Variants in MAML3 observed in about 807,000 individuals in gnomAD.
MAML3 encodes mastermind-like protein 3.
In MAML3, 27 loss-of-function variants were observed where a neutral mutation model predicts 101.9. The observed-to-expected ratio is 0.27, with a 90% CI of 0.20 to 0.37. MAML3 has a LOEUF of 0.37. Among genes scored for constraint, MAML3 ranks in the 10% least tolerant of loss-of-function variants. The probability of loss-of-function intolerance (pLI) is 1.00; values close to 1 mark genes in which losing one functional copy is unlikely to be tolerated. For missense variants in MAML3, 1,316 were observed against 1,444.9 expected, an observed-to-expected ratio of 0.91 and a Z score of 1.45; for synonymous variants, 501 against 555.9, an observed-to-expected ratio of 0.90 and a Z score of 1.39.
chr4:140,041,567 G>C (rs970333964), intron 1 of MAML3, among the ~76,000 whole-genome samples: 1 of 152,132 alleles, frequency 6.6e-6, no homozygotes, highest in African/African-American at 2.4e-5. Context: ...GTTGCAGTGA[G>C]CCGAGATCAC....
intron 1 of MAML3, among the ~76,000 whole-genome samples, chr4:140,021,092 A>G (rs942765595): frequency 6.6e-6 from 1 of 152,222 alleles, no homozygotes; most frequent in African/African-American, 2.4e-5. Flanking sequence ...CAATACGTGG[A>G]GAAAAGAAGA....
At chr4:139,728,034 G>T (rs1728548004) in intron 3 of MAML3, among the ~76,000 whole-genome samples, 1 of 152,122 alleles carries the variant, frequency 6.6e-6, no homozygotes, top group African/African-American at 2.4e-5. Context: ...TGGCCAACAT[G>T]GTGAAACCCC....
intron 1 of MAML3, among the ~76,000 whole-genome samples, chr4:140,040,229 C>A (rs969863240): frequency 6.6e-6 from 1 of 152,166 alleles, no homozygotes; most frequent in African/African-American, 2.4e-5. Context: ...CATTTCTATT[C>A]CATTGTAGTG....
In MAML3 at chr4:139,779,129, C is replaced by T. The variant is rs563007326; in HGVS notation, c.2080-48462G>A. On this transcript the variant is annotated intron_variant, in intron 2 of 4. Transcript: ENST00000509479. ...GCAAGGTTTCTGTAGGCCGTGCACA[C>T]ATACAATGGCTGACCATTGCCCCAG... 1.5e-4 allele frequency among the ~76,000 whole-genome samples: 23 copies of T among 152,320 alleles called. No individual in the cohort carries two copies. The South Asian group carries it at 1.7e-3, about 11-fold the overall frequency.
At position 139,791,502 on chromosome 4, in the gene MAML3, C is replaced by CAAAA. The variant is rs534133306; in HGVS notation, c.2080-60839_2080-60836dup. 5.0e-3 allele frequency among the ~76,000 whole-genome samples: 475 copies of CAAAA among 95,028 alleles called. 13 individuals are homozygous for CAAAA. The highest frequency in any genetic ancestry group is 0.028 in the South Asian group (66 of 2,392). The allele number at this position is 95,028 out of a possible 152,430, so 62.3% of individuals were successfully genotyped here. On this transcript the variant is annotated intron_variant, in intron 2 of 4. Coordinates refer to ENST00000509479, the MANE Select transcript of MAML3 (RefSeq NM_018717.5). Reference sequence around the variant, plus strand: ...CAGGAGACAGAGTGAGACTCCATCTCAAAAAAAAAAAAAAAAAAAGGCACC... The same window carrying CAAAA: ...CAGGAGACAGAGTGAGACTCCATCTCAAAAAAAAAAAAAAAAAAAAAAAGGCACC...
At chr4:139,729,473 T>A (rs1728615562) in intron 3 of MAML3, among the ~76,000 whole-genome samples, 1 of 152,102 alleles carries the variant, frequency 6.6e-6, no homozygotes, top group Non-Finnish European at 1.5e-5. Context: ...AAGAAAAAAT[T>A]CATAAAATTC....
At position 139,720,237 on chromosome 4, in the gene MAML3, T is replaced by A. The variant is rs368146044; in HGVS notation, c.2503A>T (p.Met835Leu). 11 of 1,609,740 alleles carry A rather than the reference T, an allele frequency of 6.8e-6. No homozygotes were observed. The Admixed American group carries it at 1.3e-4, about 20-fold the overall frequency. ...TTCTGGGAGGGTCCTATTCCCATCA[T>A]GCCTGCGTTCTGTGCCATCAGCCGT... ...TSRLMAQNAG[M>L]MGIGPSQNPG... Residue 835 changes from methionine (M) to leucine (L), a missense_variant, in exon 5 of 5, where the codon ATG becomes TTG. By Grantham distance (15) the Met-to-Leu change is conservative. Transcript: ENST00000509479.
chr4:139,882,764 A>G (rs1732245402), intron 2 of MAML3, among the ~76,000 whole-genome samples: 1 of 152,122 alleles, frequency 6.6e-6, no homozygotes, highest in African/African-American at 2.4e-5. Context: ...CAGGAGAATC[A>G]CTTGAATCTG....
intron 2 of MAML3, among the ~76,000 whole-genome samples, chr4:139,878,594 G>A (rs942895184): frequency 2.3e-4 from 35 of 152,332 alleles, no homozygotes; most frequent in African/African-American, 7.9e-4. Flanking sequence ...ACCTGTGAGT[G>A]CACTGGGTAG....
At chr4:139,757,909 C>T (rs1729685173) in intron 2 of MAML3, among the ~76,000 whole-genome samples, 1 of 152,140 alleles carries the variant, frequency 6.6e-6, no homozygotes, top group Non-Finnish European at 1.5e-5. Flanking sequence ...GCCCTCCCTG[C>T]CATCACCGTG....
chr4:140,087,942 A>G (rs1727984460), intron 1 of MAML3, among the ~76,000 whole-genome samples: 1 of 152,238 alleles, frequency 6.6e-6, no homozygotes, highest in African/African-American at 2.4e-5. Context: ...TCAAGCATAA[A>G]TACTTGTTAA....
chr4:139,877,866 T>C (rs558190362), intron 2 of MAML3, among the ~76,000 whole-genome samples: 2 of 152,358 alleles, frequency 1.3e-5, no homozygotes, highest in South Asian at 2.1e-4. Flanking sequence ...CATGTGATCA[T>C]CTTTCAGAAA....
chr4:139,873,340 T>C (rs1409039854), intron 2 of MAML3, among the ~76,000 whole-genome samples: 1 of 152,172 alleles, frequency 6.6e-6, no homozygotes, highest in Non-Finnish European at 1.5e-5. Context: ...TGCTCACCTT[T>C]GCCAGCTCAG....
intron 1 of MAML3, among the ~76,000 whole-genome samples, chr4:139,921,717 T>C (rs1733133891): frequency 6.6e-6 from 1 of 152,162 alleles, no homozygotes; most frequent in Non-Finnish European, 1.5e-5. Flanking sequence ...CCCTGGAGCC[T>C]GCCCTCTCCC....
intron 2 of MAML3, among the ~76,000 whole-genome samples, chr4:139,825,272 A>G (rs1426168682): frequency 6.6e-6 from 1 of 152,152 alleles, no homozygotes; most frequent in Non-Finnish European, 1.5e-5. Context: ...GGTGGCTGTG[A>G]TTGTCTCCTA....
chr4:139,841,160 T>G (rs1203022804), intron 2 of MAML3, among the ~76,000 whole-genome samples: 2 of 152,202 alleles, frequency 1.3e-5, no homozygotes, highest in Non-Finnish European at 2.9e-5. Flanking sequence ...GAGAAAGACA[T>G]AAAGGACTAA....
rs143952784 is a variant in MAML3 at position 139,779,137 on chromosome 4, G to A, written c.2080-48470C>T. ...TCTGTAGGCCGTGCACACATACAAT[G>A]GCTGACCATTGCCCCAGCCAGTTAG... On this transcript the variant is annotated intron_variant, in intron 2 of 4. Coordinates refer to ENST00000509479, the MANE Select transcript of MAML3 (RefSeq NM_018717.5). Among the ~76,000 whole-genome samples, 6 of 152,310 alleles carry A rather than the reference G, an allele frequency of 3.9e-5. No individual in the cohort carries two copies. The East Asian group carries it at 1.2e-3, about 29-fold the overall frequency.
rs1314932207 is a variant in MAML3 at position 139,777,411 on chromosome 4, C to CT, written c.2080-46745dup. Among the ~76,000 whole-genome samples the CT allele has an allele frequency of 4.6e-5, 7 of 152,230 alleles. No homozygotes were observed. The East Asian group carries it at 1.3e-3, about 29-fold the overall frequency. ...ACAAGAAGATCTGAATTTGATCAGT[C>CT]TTCAGTCTCCACTGCCACTTCCCCA... On this transcript the variant is annotated intron_variant, in intron 2 of 4. Coordinates refer to ENST00000509479, the MANE Select transcript of MAML3 (RefSeq NM_018717.5).
chr4:139,822,273 T>C lies in MAML3; in HGVS notation c.2079+67084A>G, dbSNP rs13353726. On this transcript the variant is annotated intron_variant, in intron 2 of 4. Transcript: ENST00000509479. ...ACCACCACCACCACCACCACCACCA[T>C]CATCATCATCATTGCTATCATTGTG... Among the ~76,000 whole-genome samples, 872 of 97,856 alleles carry C rather than the reference T, an allele frequency of 8.9e-3. 5 individuals are homozygous for C. Among genetic ancestry groups the C allele is most frequent in the African/African-American group, 0.028 (743 of 26,934 alleles). 64.2% of individuals were successfully genotyped at this position (97,856 alleles called of 152,430 possible).
Sources: allele counts gnomAD v4.1 joint callset (sites outside exome capture counted in the v4.1 genomes callset), GRCh38; gene constraint gnomAD v4.1.1; transcripts MANE v1.5; gene names NCBI Gene and HGNC (gene_info 2026-07-23, HGNC 2026-07-21).